Variants in TTN observed in about 807,000 individuals in gnomAD.
The protein encoded by TTN is connectin.
TTN carries 1,525 observed loss-of-function variants against 3,223.0 expected under a neutral mutation model. The ratio of observed to expected loss-of-function variants is 0.47; its 90% CI spans 0.45 to 0.49. The LOEUF (loss-of-function observed/expected upper bound fraction) is 0.49. TTN is among the 20% of genes least tolerant of loss of function. TTN has a pLI of 0.00. For synonymous variants in TTN, 14,094 were observed against 15,161.0 expected (o/e 0.93, Z 5.17); for missense variants, 40,786 against 43,424.0 (o/e 0.94, Z 5.40).
In TTN at chr2:178,598,894, A is replaced by T; in HGVS notation, c.56816T>A (p.Ile18939Asn). The T allele has an allele frequency of 3.1e-6, 5 of 1,613,156 alleles. No individual in the cohort carries two copies. The highest frequency in any genetic ancestry group is 4.2e-6 in the Non-Finnish European group (5 of 1,179,492). The change falls in exon 291 of 363, where the codon ATC becomes AAC. Residue 18939 changes from isoleucine (I) to asparagine (N), a missense_variant. By Grantham distance (149) the Ile-to-Asn change is moderately radical. Transcript: ENST00000589042. ...AGAAACACCCAAAGTCATGGCTTTGATAGGATCTCGGTTAACTCTCTTCCA... is the reference window on the plus strand; with the variant it reads ...AGAAACACCCAAAGTCATGGCTTTGTTAGGATCTCGGTTAACTCTCTTCCA... Reference protein sequence around the residue: ...KRWKRVNRDPIKAMTLGVSYK... With the variant: ...KRWKRVNRDPNKAMTLGVSYK...
Position 178,733,609 on chromosome 2 carries a change from C to T in TTN, c.15775+5G>A, listed in dbSNP as rs2080934644. 3.1e-6 allele frequency: 5 copies of T among 1,607,058 alleles called. No homozygotes were observed. The highest frequency in any genetic ancestry group is 2.2e-5 in the East Asian group (1 of 44,750). On this transcript the variant is annotated splice_donor_5th_base_variant and intron_variant, in intron 53 of 362. Transcript: ENST00000589042. The stretch of plus-strand genomic sequence containing the variant: ...AATTTGAGGTTTAAATGTTCCTACA[C>T]AAACCTTTAACTATTAATTCCCCAA...
At chr2:178,671,935 T>C in intron 155 of TTN, 36 bp downstream of exon 155, 1 of 1,571,264 alleles carries the variant, frequency 6.4e-7, no homozygotes, top group African/African-American at 1.4e-5. Context: ...TAGAGCAAGA[T>C]ATAAGAATTT....
chr2:178,608,163 T>G lies in TTN; in HGVS notation c.52705+15A>C. On this transcript the variant is annotated intron_variant, in intron 275 of 362. Transcript: ENST00000589042. ...AGCTTGTTCTACTCCACCTTCTTCT[T>G]AAGGAACTACTTACAGATTGGATCA... is the stretch of plus-strand genomic sequence containing the variant. 6.2e-7 allele frequency: 1 copy of G among 1,600,818 alleles called. No individual in the cohort carries two copies. The highest frequency in any genetic ancestry group is 1.7e-4 in the Middle Eastern group (1 of 5,994).
rs747694808 is a variant in TTN at position 178,799,613 on chromosome 2, G to T, written c.788C>A (p.Ser263Ter). 6.2e-7 allele frequency: 1 copy of T among 1,614,134 alleles called. No homozygotes were observed. The highest frequency in any genetic ancestry group is 8.5e-7 in the Non-Finnish European group (1 of 1,180,018). ...TPPRIPPKPK[S>*]RSPTPPSIAA... ...AATAGACGGTGGTGTTGGGGATCTTGACTTTGGCTTCGGAGGAATCCTGGG... is the reference window on the plus strand; with the variant it reads ...AATAGACGGTGGTGTTGGGGATCTTTACTTTGGCTTCGGAGGAATCCTGGG... The change falls in exon 6 of 363, where the codon TCA becomes TAA. Residue 263 changes from serine (S) to a stop codon, truncating the protein, a stop_gained. Transcript: ENST00000589042. LOFTEE classifies it high-confidence loss of function.
chr2:178,676,990 G>A (rs1222730347), intron 147 of TTN, among the ~76,000 whole-genome samples: 3 of 151,508 alleles, frequency 2.0e-5, no homozygotes, highest in African/African-American at 7.3e-5. Context: ...TATCAGTTCT[G>A]GGACAATGCT....
Position 178,692,043 on chromosome 2 carries a change from T to G in TTN, c.31735A>C (p.Lys10579Gln), listed in dbSNP as rs376287951. The part of the protein sequence containing the change: ...PEEKKPVPVP[K>Q]KEPAAPPKVP... The stretch of plus-strand genomic sequence containing the variant: ...TTTGGGGGAGCAGCAGGTTCCTTCT[T>G]AGGCACAGGAACTGGCTTTTTCTCC... The change falls in exon 121 of 363, where the codon AAG becomes CAG. Residue 10579 changes from lysine to glutamine, a missense_variant. Physicochemically the swap from Lys to Gln is moderately conservative, Grantham distance 53. Transcript: ENST00000589042. 4.2e-5 allele frequency: 67 copies of G among 1,613,162 alleles called. No individual in the cohort carries two copies. The East Asian group carries it at 4.5e-4, about 11-fold the overall frequency.
At chr2:178,649,181 C>T in intron 213 of TTN, 67 bp downstream of exon 213, 2 of 1,195,564 alleles carry the variant, frequency 1.7e-6, no homozygotes, top group East Asian at 2.9e-5. Context: ...ATGTTTTTCT[C>T]TAAGACCTAT....
intron 13 of TTN, among the ~76,000 whole-genome samples, chr2:178,788,083 A>G (rs974307965): frequency 4.6e-5 from 7 of 152,094 alleles, no homozygotes; most frequent in Non-Finnish European, 8.8e-5. Context: ...AAACAATTAG[A>G]TGGAACACTA....
chr2:178,603,425 T>A (rs926029124), intron 282 of TTN, among the ~76,000 whole-genome samples: 1 of 151,998 alleles, frequency 6.6e-6, no homozygotes, highest in Non-Finnish European at 1.5e-5. Context: ...CCTCACAGAC[T>A]ATGCCTGAGA....
Position 178,593,964 on chromosome 2 carries a change from C to A in TTN, c.58429G>T (p.Val19477Phe). Reference protein sequence around the residue: ...SRKGFCQVNVVDRPGPPVGPV... With the variant: ...SRKGFCQVNVFDRPGPPVGPV... ...CTTTCCACTAAATAAGACTTACCAA[C>A]AACATTAACTTGACAGAAACCTTTC... Residue 19477 changes from valine (V) to phenylalanine (F), a missense_variant, in exon 297 of 363, where the codon GTT (valine) becomes TTT (phenylalanine). By Grantham distance (50) the Val-to-Phe change is conservative (BLOSUM62 -1). Coordinates refer to ENST00000589042, the MANE Select transcript of TTN (RefSeq NM_001267550.2). The A allele has an allele frequency of 6.2e-7, 1 of 1,613,246 alleles. No individual in the cohort carries two copies. The highest frequency in any genetic ancestry group is 1.7e-5 in the Admixed American group (1 of 59,916).
intron 240 of TTN, among the ~76,000 whole-genome samples, chr2:178,625,960 G>A (rs1351265913): frequency 6.6e-6 from 1 of 151,880 alleles, no homozygotes; most frequent in Admixed American, 6.6e-5. Flanking sequence ...GTTTACATTT[G>A]TGGTCTTTTT....
At position 178,728,955 on chromosome 2, in the gene TTN, T is replaced by A; in HGVS notation, c.19083A>T (p.Arg6361Ser). 1 of 1,612,888 alleles carries A rather than the reference T, an allele frequency of 6.2e-7. No individual in the cohort carries two copies. Among genetic ancestry groups the A allele is most frequent in the South Asian group, 1.1e-5 (1 of 90,948 alleles). Reference protein sequence around the residue: ...IRSVDNGHSGRYTCQAKNESG... With the variant: ...IRSVDNGHSGSYTCQAKNESG... ...ACTCATTCTTGGCTTGACAGGTATA[T>A]CTCCCACTGTGTCCATTATCCACAC... The change falls in exon 65 of 363, where the codon AGA becomes AGT. Residue 6361 changes from arginine to serine, a missense_variant. By Grantham distance (110) the Arg-to-Ser change is moderately radical (BLOSUM62 -1). Transcript: ENST00000589042.
chr2:178,609,836 C>T lies in TTN; in HGVS notation c.51587G>A (p.Arg17196Lys). 6.2e-7 allele frequency: 1 copy of T among 1,612,988 alleles called. No individual in the cohort carries two copies. Among genetic ancestry groups the T allele is most frequent in the Non-Finnish European group, 8.5e-7 (1 of 1,179,274 alleles). The change falls in exon 272 of 363, where the codon AGA becomes AAA. Residue 17196 changes from arginine (R) to lysine (K), a missense_variant. By Grantham distance (26) the Arg-to-Lys change is conservative. Coordinates refer to ENST00000589042, the MANE Select transcript of TTN (RefSeq NM_001267550.2). ...GATTGGTACCAGGTGTTCATTGCAT[C>T]TCTTCCACCTTTCTTCACCCTTAGC... ...KIAKGEERWK[R>K]CNEHLVPILT...
chr2:178,629,281 A>C lies in TTN; in HGVS notation c.44424+20T>G, dbSNP rs761379783. On this transcript the variant is annotated intron_variant, in intron 240 of 362. Coordinates refer to ENST00000589042, the MANE Select transcript of TTN (RefSeq NM_001267550.2). Reference sequence around the variant, plus strand: ...ACTCCAGAAAAAGAACGGGAAAGACAAGGCATGCCTGCTTTTTACCTTATC... The same window carrying C: ...ACTCCAGAAAAAGAACGGGAAAGACCAGGCATGCCTGCTTTTTACCTTATC... 1 of 1,609,574 alleles carries C rather than the reference A, an allele frequency of 6.2e-7. No homozygotes were observed. Among genetic ancestry groups the C allele is most frequent in the Admixed American group, 1.7e-5 (1 of 59,378 alleles).
rs781305504 is a variant in TTN at position 178,723,924 on chromosome 2, C to A, written c.21335G>T (p.Gly7112Val). 1 of 1,613,398 alleles carries A rather than the reference C, an allele frequency of 6.2e-7. No homozygotes were observed. The highest frequency in any genetic ancestry group is 8.5e-7 in the Non-Finnish European group (1 of 1,179,580). Residue 7112 changes from glycine (G) to valine (V), a missense_variant, in exon 73 of 363, where the codon GGC becomes GTC. Gly to Val is a moderately radical substitution (Grantham distance 109). Coordinates refer to ENST00000589042, the MANE Select transcript of TTN (RefSeq NM_001267550.2). Reference sequence around the variant, plus strand: ...ATTAGCAGCCACGCATGTGTAATTGCCCATATCTGAGGAATCCAGAGAATT... The same window carrying A: ...ATTAGCAGCCACGCATGTGTAATTGACCATATCTGAGGAATCCAGAGAATT... ...QLNSLDSSDM[G>V]NYTCVAANVA...
chr2:178,637,416 G>A lies in TTN; in HGVS notation c.40880C>T (p.Ala13627Val). 3 of 1,475,524 alleles carry A rather than the reference G, an allele frequency of 2.0e-6. No individual in the cohort carries two copies. The highest frequency in any genetic ancestry group is 2.7e-6 in the Non-Finnish European group (3 of 1,115,238). The allele number at this position is 1,475,524 out of a possible 1,614,324, so 91.4% of individuals were successfully genotyped here. A position where few individuals can be genotyped will look rare whatever the true frequency, so the allele number is the denominator to read the frequency against. Residue 13627 changes from alanine to valine, a missense_variant, in exon 224 of 363, where the codon GCC becomes GTC. Ala to Val is a moderately conservative substitution (Grantham distance 64). Transcript: ENST00000589042. ...GGCAGCCTCTTCCTTAGGTGCTTTGGCTTCTGAAATAAAAATAAAACTCAG... is the reference window on the plus strand; with the variant it reads ...GGCAGCCTCTTCCTTAGGTGCTTTGACTTCTGAAATAAAAATAAAACTCAG... ...TVPVVGKKAE[A>V]KAPKEEAAKP...
chr2:178,550,591 C>T, intron 336 of TTN: 1 of 406,562 alleles, frequency 2.5e-6, no homozygotes. Flanking sequence ...TTTAAGAGGC[C>T]ATCAGCTGCA....
Position 178,775,845 on chromosome 2 carries a change from C to T in TTN, c.6019G>A (p.Glu2007Lys). 1 of 1,614,128 alleles carries T rather than the reference C, an allele frequency of 6.2e-7. No individual in the cohort carries two copies. The highest frequency in any genetic ancestry group is 8.5e-7 in the Non-Finnish European group (1 of 1,180,002). ...LRSKFKRRTEEGYYEAITAVE... is the reference protein window; with the variant it reads ...LRSKFKRRTEKGYYEAITAVE... ...GCGGTAATGGCTTCATAATAGCCCT[C>T]TTCTGTTCTGCGCTTGAATTTACTG... Residue 2007 changes from glutamate to lysine, a missense_variant, in exon 28 of 363, where the codon GAG becomes AAG. Coordinates refer to ENST00000589042, the MANE Select transcript of TTN (RefSeq NM_001267550.2).
intron 168 of TTN, 75 bp from the exon 169 acceptor site, chr2:178,664,173 C>T (rs755571456): frequency 7.1e-7 from 1 of 1,406,452 alleles, no homozygotes; most frequent in Non-Finnish European, 9.7e-7. Context: ...TTTTCAAGAA[C>T]AAAAGAGCTA....
Sources: allele counts gnomAD v4.1 joint callset (sites outside exome capture counted in the v4.1 genomes callset), GRCh38; gene constraint gnomAD v4.1.1; transcripts MANE v1.5; gene names NCBI Gene and HGNC (gene_info 2026-07-23, HGNC 2026-07-21).